Variants in IL1RAPL2 observed in about 807,000 individuals in gnomAD.
IL1RAPL2 encodes the protein X-linked interleukin-1 receptor accessory protein-like 2.
Under a neutral mutation model 44.1 loss-of-function variants are expected in IL1RAPL2, and 3 were observed. The ratio of observed to expected loss-of-function variants is 0.07; its 90% CI spans 0.03 to 0.18. The LOEUF (loss-of-function observed/expected upper bound fraction) is 0.18. Ranked by LOEUF, IL1RAPL2 falls within the 10% of genes least tolerant of loss-of-function variation. The probability of loss-of-function intolerance (pLI) is 1.00; values close to 1 mark genes in which losing one functional copy is unlikely to be tolerated. For synonymous variants in IL1RAPL2, 181 were observed against 178.8 expected (o/e 1.01, Z -0.10); for missense variants, 391 against 496.4 (o/e 0.79, Z 2.02).
intron 2 of IL1RAPL2, among the ~76,000 whole-genome samples, chrX:105,119,725 A>G (rs778460360): frequency 9.9e-4 from 110 of 111,561 alleles, no homozygotes; most frequent in South Asian, 5.6e-3. Context: ...TGTTTGGGGG[A>G]AAAAGTGTTA....
At chrX:105,055,888 C>T (rs5916860) in intron 2 of IL1RAPL2, among the ~76,000 whole-genome samples, 46,285 of 110,229 alleles carry the variant, frequency 0.42, 8,621 homozygotes, top group East Asian at 0.73. Flanking sequence ...AAAGAGCAAC[C>T]AAAATGACTT....
At chrX:105,091,323 G>A (rs1248631243) in intron 2 of IL1RAPL2, among the ~76,000 whole-genome samples, 2 of 111,971 alleles carry the variant, frequency 1.8e-5, no homozygotes, top group African/African-American at 6.5e-5. Flanking sequence ...AACAATGTCT[G>A]ATTCATCTGC....
chrX:104,582,632 C>CTTTCTT (rs1569487497), intron 1 of IL1RAPL2, among the ~76,000 whole-genome samples: 3 of 64,536 alleles, frequency 4.6e-5, no homozygotes, highest in Admixed American at 1.8e-4. Context: ...TTCTTTCTTT[C>CTTTCTT]TTTCTTTCTC....
At chrX:105,406,164 T>A in intron 5 of IL1RAPL2, 1 of 1,160,070 alleles carries the variant, frequency 8.6e-7, no homozygotes, top group Non-Finnish European at 1.2e-6. Flanking sequence ...AATGGAGAAA[T>A]CAATTTGTTT....
At chrX:104,848,968 A>C (rs1447793114) in intron 2 of IL1RAPL2, among the ~76,000 whole-genome samples, 1 of 111,209 alleles carries the variant, frequency 9.0e-6, no homozygotes, top group Non-Finnish European at 1.9e-5. Context: ...TTATATGAAA[A>C]GTTTATTTAT....
intron 2 of IL1RAPL2, among the ~76,000 whole-genome samples, chrX:105,132,398 C>T (rs190561934): frequency 5.4e-3 from 597 of 110,559 alleles, no homozygotes; most frequent in African/African-American, 0.017. Context: ...AAGATAATTT[C>T]GCCATTTAAA....
intron 4 of IL1RAPL2, among the ~76,000 whole-genome samples, chrX:105,246,909 G>A (rs1270331785): frequency 9.0e-6 from 1 of 111,039 alleles, no homozygotes; most frequent in Non-Finnish European, 1.9e-5. Flanking sequence ...AGAGCTTCAG[G>A]TGCTCTCAGC....
intron 1 of IL1RAPL2, among the ~76,000 whole-genome samples, chrX:104,568,748 T>A (rs1373703001): frequency 9.0e-6 from 1 of 110,944 alleles, no homozygotes; most frequent in Non-Finnish European, 1.9e-5. Context: ...TTAGGGAGGG[T>A]GAAATTCCCA....
chrX:105,709,815 G>A (rs1049269514), intron 6 of IL1RAPL2, among the ~76,000 whole-genome samples: 1 of 111,580 alleles, frequency 9.0e-6, no homozygotes, highest in Non-Finnish European at 1.9e-5. Context: ...AAGTTAATGG[G>A]CGGGATATGT....
At chrX:104,819,494 A>G (rs905212450) in intron 2 of IL1RAPL2, among the ~76,000 whole-genome samples, 1 of 112,072 alleles carries the variant, frequency 8.9e-6, no homozygotes. Flanking sequence ...TTTTTTTTAT[A>G]TCATGGGAGG....
intron 2 of IL1RAPL2, among the ~76,000 whole-genome samples, chrX:104,908,399 C>G (rs1924108048): frequency 9.0e-6 from 1 of 111,645 alleles, no homozygotes; most frequent in African/African-American, 3.3e-5. Context: ...TTCCTAGTCT[C>G]TATGGTCTTT....
At chrX:104,912,134 G>A (rs1924257249) in intron 2 of IL1RAPL2, among the ~76,000 whole-genome samples, 1 of 11,728 alleles carries the variant, frequency 8.5e-5, no homozygotes, top group Non-Finnish European at 7.2e-4. Flanking sequence ...CAGGTGGACA[G>A]GGATTTTTTT....
intron 2 of IL1RAPL2, among the ~76,000 whole-genome samples, chrX:104,836,937 G>C (rs1921758914): frequency 9.1e-6 from 1 of 110,480 alleles, no homozygotes; most frequent in South Asian, 3.9e-4. Flanking sequence ...TCCCCTCCCT[G>C]TGTCCATGTG....
chrX:105,243,475 A>G (rs1782366249), intron 4 of IL1RAPL2, among the ~76,000 whole-genome samples: 1 of 107,976 alleles, frequency 9.3e-6, no homozygotes, highest in Non-Finnish European at 1.9e-5. Flanking sequence ...AAAACAGACT[A>G]ATACAAATGG....
At chrX:104,880,891 T>C (rs1923051007) in intron 2 of IL1RAPL2, among the ~76,000 whole-genome samples, 1 of 111,963 alleles carries the variant, frequency 8.9e-6, no homozygotes. Flanking sequence ...TTTTGTAGGC[T>C]ATTAATGATT....
intron 5 of IL1RAPL2, among the ~76,000 whole-genome samples, chrX:105,381,741 A>G (rs2035431997): frequency 8.9e-6 from 1 of 111,869 alleles, no homozygotes; most frequent in Non-Finnish European, 1.9e-5. Context: ...ATTTCTTTGT[A>G]TTGGGAACAT....
At chrX:104,580,414 A>G (rs1928323639) in intron 1 of IL1RAPL2, among the ~76,000 whole-genome samples, 1 of 113,040 alleles carries the variant, frequency 8.8e-6, no homozygotes, top group Admixed American at 9.3e-5. Context: ...TACAATGTCA[A>G]CAAGAGGGAT....
chrX:104,694,045 G>T (rs1444868865), intron 2 of IL1RAPL2, among the ~76,000 whole-genome samples: 1 of 111,737 alleles, frequency 8.9e-6, no homozygotes, highest in Non-Finnish European at 1.9e-5. Flanking sequence ...TGCATTTGGG[G>T]GGAACCTCAT....
At chrX:105,205,761 A>C (rs1556151628) in intron 3 of IL1RAPL2, among the ~76,000 whole-genome samples, 1 of 107,595 alleles carries the variant, frequency 9.3e-6, no homozygotes, top group African/African-American at 3.4e-5. Context: ...GTTGATTTTT[A>C]AATTAGTAAT....
Sources: gnomAD v4.1 joint callset for allele counts (sites outside exome capture counted in the v4.1 genomes callset) on GRCh38, gnomAD v4.1.1 for gene constraint, MANE v1.5 for transcripts, NCBI Gene and HGNC (gene_info 2026-07-23, HGNC 2026-07-21) for gene names.